The following CDH12 variants were observed in gnomAD, a reference collection of about 807,000 sequenced individuals.
CDH12 encodes cadherin-12.
In CDH12, 41 loss-of-function variants were observed where a neutral mutation model predicts 74.1. That is an observed-to-expected ratio of 0.55 (90% CI 0.43 to 0.72). CDH12 has a LOEUF of 0.72. CDH12 is among the 30% of genes least tolerant of loss of function. The pLI is 0.00. For synonymous variants in CDH12, 399 were observed against 355.0 expected, an observed-to-expected ratio of 1.12 and a Z score of -1.39; for missense variants, 945 against 977.2, an observed-to-expected ratio of 0.97 and a Z score of 0.44.
At chr5:22,230,195 A>C (rs1752334111) in intron 3 of CDH12, among the ~76,000 whole-genome samples, 1 of 152,162 alleles carries the variant, frequency 6.6e-6, no homozygotes, top group African/African-American at 2.4e-5. Context: ...CCAAAAAAAG[A>C]AAAATTGAAA....
intron 5 of CDH12, among the ~76,000 whole-genome samples, chr5:21,977,273 A>T (rs1757109345): frequency 6.6e-6 from 1 of 152,148 alleles, no homozygotes; most frequent in African/African-American, 2.4e-5. Context: ...ACCTATTAAA[A>T]AAAACTGCTG....
intron 1 of CDH12, among the ~76,000 whole-genome samples, chr5:22,770,575 C>T (rs1450873541): frequency 6.6e-6 from 1 of 152,058 alleles, no homozygotes; most frequent in Admixed American, 6.6e-5. Flanking sequence ...AATTTATTTG[C>T]TTCCTTTGGC....
intron 3 of CDH12, among the ~76,000 whole-genome samples, chr5:22,255,454 TG>T (rs1416026519): frequency 1.3e-5 from 2 of 151,802 alleles, no homozygotes; most frequent in African/African-American, 4.8e-5. Context: ...CTATATTTTT[TG>T]TTACATCATT....
chr5:22,284,179 G>A (rs1224079708), intron 3 of CDH12, among the ~76,000 whole-genome samples: 1 of 152,186 alleles, frequency 6.6e-6, no homozygotes, highest in African/African-American at 2.4e-5. Context: ...TTGAAGAACT[G>A]CAGAATTTAT....
At chr5:22,368,795 C>A (rs1741144459) in intron 3 of CDH12, among the ~76,000 whole-genome samples, 1 of 133,562 alleles carries the variant, frequency 7.5e-6, no homozygotes, top group Non-Finnish European at 1.8e-5. Context: ...CTCAAAAGTG[C>A]CGGGTCTTAG....
At chr5:21,830,459 C>T (rs1236342856) in intron 8 of CDH12, among the ~76,000 whole-genome samples, 1 of 151,896 alleles carries the variant, frequency 6.6e-6, no homozygotes, top group Admixed American at 6.6e-5. Flanking sequence ...ATGAATATGG[C>T]TATATAATTT....
chr5:22,353,489 AAAATATG>A (rs1418360159), intron 3 of CDH12, among the ~76,000 whole-genome samples: 2 of 152,204 alleles, frequency 1.3e-5, no homozygotes, highest in African/African-American at 2.4e-5. Context: ...GAAATAGGCT[AAAATATG>A]AAATATCCAA....
chr5:22,167,132 G>C (rs1467575630), intron 4 of CDH12, among the ~76,000 whole-genome samples: 1 of 152,158 alleles, frequency 6.6e-6, no homozygotes, highest in Non-Finnish European at 1.5e-5. Flanking sequence ...TGAGAAAAGA[G>C]AGACCTCAAT....
Position 22,766,456 on chromosome 5 carries a change from A to G in CDH12, c.-523+86602T>C, listed in dbSNP as rs572722724. 2.5e-4 allele frequency among the ~76,000 whole-genome samples: 38 copies of G among 152,226 alleles called. 1 individual carries two copies. Among genetic ancestry groups the G allele is most frequent in the African/African-American group, 8.9e-4 (37 of 41,574 alleles). ...TTTATCAATAAGGGTAAATTATTAGATTATATTGAATGACAATGTCAGATG... is the reference window on the plus strand; with the variant it reads ...TTTATCAATAAGGGTAAATTATTAGGTTATATTGAATGACAATGTCAGATG... On this transcript the variant is annotated intron_variant, in intron 1 of 14. Coordinates refer to ENST00000382254, the MANE Select transcript of CDH12 (RefSeq NM_004061.5).
At chr5:22,029,215 G>A (rs1288182793) in intron 5 of CDH12, among the ~76,000 whole-genome samples, 1 of 152,044 alleles carries the variant, frequency 6.6e-6, no homozygotes, top group Admixed American at 6.6e-5. Context: ...AGGACTTCAT[G>A]TCTAAAACAC....
intron 2 of CDH12, among the ~76,000 whole-genome samples, chr5:22,457,106 T>C (rs1261254): frequency 0.49 from 73,805 of 151,850 alleles, 18,319 homozygotes; most frequent in Admixed American, 0.65. Flanking sequence ...TGAGTCTGAG[T>C]GGAATTCAGA....
chr5:22,326,336 C>T (rs1349746016), intron 3 of CDH12, among the ~76,000 whole-genome samples: 2 of 152,004 alleles, frequency 1.3e-5, no homozygotes, highest in Admixed American at 1.3e-4. Context: ...CCGGGGTTCA[C>T]GCCATTCTCC....
intron 1 of CDH12, among the ~76,000 whole-genome samples, chr5:22,655,259 C>T (rs1212049661): frequency 6.6e-6 from 1 of 152,196 alleles, no homozygotes; most frequent in Non-Finnish European, 1.5e-5. Context: ...ATCTTCCTCA[C>T]TGGTACTCCT....
intron 6 of CDH12, among the ~76,000 whole-genome samples, chr5:21,952,791 C>A (rs1755923416): frequency 6.7e-6 from 1 of 150,178 alleles, no homozygotes; most frequent in Non-Finnish European, 1.5e-5. Flanking sequence ...TTTAAAGAAA[C>A]TGGGAGTCAG....
chr5:22,834,150 C>T (rs1156599916), intron 1 of CDH12, among the ~76,000 whole-genome samples: 9 of 152,064 alleles, frequency 5.9e-5, no homozygotes, highest in Admixed American at 1.3e-4. Context: ...ACCTCTTTTC[C>T]TCTGGAATAG....
At chr5:21,873,255 A>G (rs1751742719) in intron 6 of CDH12, among the ~76,000 whole-genome samples, 1 of 152,180 alleles carries the variant, frequency 6.6e-6, no homozygotes, top group South Asian at 2.1e-4. Context: ...AATTTCATGG[A>G]GGCAATTGGC....
chr5:21,830,766 G>A (rs572522684), intron 8 of CDH12, among the ~76,000 whole-genome samples: 126 of 152,110 alleles, frequency 8.3e-4, no homozygotes, highest in African/African-American at 2.8e-3. Flanking sequence ...GGCCAGGTAT[G>A]GTGGCTCAAG....
chr5:22,403,646 G>A (rs1371193560), intron 3 of CDH12, among the ~76,000 whole-genome samples: 1 of 152,096 alleles, frequency 6.6e-6, no homozygotes, highest in African/African-American at 2.4e-5. Context: ...AATCATAAAT[G>A]GTACTACCTT....
chr5:22,401,101 T>C (rs754278688), intron 3 of CDH12, among the ~76,000 whole-genome samples: 9 of 152,224 alleles, frequency 5.9e-5, no homozygotes, highest in Non-Finnish European at 1.2e-4. Context: ...ATCATAACTG[T>C]TTGCCAATCT....
Sources: gnomAD v4.1 joint callset for allele counts (sites outside exome capture counted in the v4.1 genomes callset) on GRCh38, gnomAD v4.1.1 for gene constraint, MANE v1.5 for transcripts, NCBI Gene and HGNC (gene_info 2026-07-23, HGNC 2026-07-21) for gene names.